Variants in POLR2G observed in about 807,000 individuals in gnomAD.
The protein encoded by POLR2G is RNA polymerase II subunit G, also known as DNA-directed RNA polymerase II subunit RPB7.
POLR2G carries 19 observed loss-of-function variants against 25.7 expected under a neutral mutation model. The observed-to-expected ratio is 0.74, with a 90% CI of 0.52 to 1.08. The LOEUF is 1.08. Among genes scored for constraint, POLR2G ranks in the 50% least tolerant of loss-of-function variants. The pLI, the probability that POLR2G is intolerant of heterozygous loss-of-function variation, is 0.00. For synonymous variants in POLR2G, 79 were observed against 76.0 expected, an observed-to-expected ratio of 1.04 and a Z score of -0.21; for missense variants, 123 against 218.5, an observed-to-expected ratio of 0.56 and a Z score of 2.76.
intron 6 of POLR2G, among the ~76,000 whole-genome samples, 156 bp from the exon 7 acceptor site, chr11:62,766,087 G>A (rs538123519): frequency 2.6e-5 from 4 of 152,108 alleles, no homozygotes; most frequent in Non-Finnish European, 4.4e-5. Flanking sequence ...GCGCCTGGCC[G>A]AGAGCTGTCG....
At chr11:62,764,751 G>A (rs533936488) in intron 3 of POLR2G, among the ~76,000 whole-genome samples, 236 of 152,170 alleles carry the variant, frequency 1.6e-3, no homozygotes, top group South Asian at 2.5e-3. Context: ...AGCTGTGATC[G>A]CACCACTACT....
chr11:62,764,008 C>G (rs1382734032), intron 3 of POLR2G, among the ~76,000 whole-genome samples: 1 of 151,796 alleles, frequency 6.6e-6, no homozygotes, highest in East Asian at 1.9e-4. Context: ...ACCCAAAGTG[C>G]TGGGATTATA....
chr11:62,764,437 G>T (rs1374442986), intron 3 of POLR2G, among the ~76,000 whole-genome samples: 1 of 152,078 alleles, frequency 6.6e-6, no homozygotes, highest in Non-Finnish European at 1.5e-5. Context: ...CTCCAGAGTG[G>T]AGAACAGAGT....
At chr11:62,761,975 C>T (rs2084091371) in intron 2 of POLR2G, 71 bp downstream of exon 2, 1 of 1,100,284 alleles carries the variant, frequency 9.1e-7, no homozygotes, top group Non-Finnish European at 1.4e-6. Flanking sequence ...GCAACCCCTC[C>T]CCAACTCCTA....
In POLR2G at chr11:62,765,405, G is replaced by A. The variant is rs2084110532; in HGVS notation, c.399G>A (p.Glu133=). The A allele has an allele frequency of 6.2e-7, 1 of 1,609,958 alleles. No individual in the cohort carries two copies. Among genetic ancestry groups the A allele is most frequent in the Non-Finnish European group, 8.5e-7 (1 of 1,176,386 alleles). ...SNPPCYKTMD[E]DIVIQQDDEI... Reference sequence around the variant, plus strand: ...CACCATGTTACAAGACAATGGATGAGGTGAGTGGACAGAAAGAAGTCAGGG... The same window carrying A: ...CACCATGTTACAAGACAATGGATGAAGTGAGTGGACAGAAAGAAGTCAGGG... Residue 133 remains glutamate, a splice_region_variant and synonymous_variant, in exon 5 of 8, where the codon GAG becomes GAA. Transcript: ENST00000301788.
At chr11:62,762,203 A>G (rs2084092634) in intron 2 of POLR2G, 1 of 404,678 alleles carries the variant, frequency 2.5e-6, no homozygotes. Context: ...GGAACAAGAT[A>G]GAATGAGGAC....
chr11:62,763,128 ACT>A, intron 3 of POLR2G, 102 bp downstream of exon 3: 2 of 412,078 alleles, frequency 4.9e-6, no homozygotes, highest in Non-Finnish European at 7.6e-6. Flanking sequence ...AAGTCACTTC[ACT>A]TTTTTTTTTT....
chr11:62,765,946 C>T (rs2084113790), intron 6 of POLR2G, among the ~76,000 whole-genome samples: 1 of 151,994 alleles, frequency 6.6e-6, no homozygotes, highest in African/African-American at 2.4e-5. Context: ...CGCCACCACA[C>T]CTGGCTAATT....
At chr11:62,764,950 C>T (rs2084107559) in intron 3 of POLR2G, among the ~76,000 whole-genome samples, 1 of 152,070 alleles carries the variant, frequency 6.6e-6, no homozygotes, top group Non-Finnish European at 1.5e-5. Context: ...CCTCCACCTC[C>T]TGGGTTCAAA....
Position 62,762,994 on chromosome 11 carries a change from G to A in POLR2G, c.250G>A (p.Val84Ile). 2 of 1,609,492 alleles carry A rather than the reference G, an allele frequency of 1.2e-6. No individual in the cohort carries two copies. The highest frequency in any genetic ancestry group is 1.7e-6 in the Non-Finnish European group (2 of 1,176,674). ...TGTTTTCCGGCCATTTAAAGGGGAG[G>A]TCGTGGATGCTGTTGTCACTCAGGT... ...AIVFRPFKGE[V>I]VDAVVTQVNK... Residue 84 changes from valine to isoleucine, a missense_variant, in exon 3 of 8, where the codon GTC (valine) becomes ATC (isoleucine). Physicochemically the swap from Val to Ile is conservative, Grantham distance 29. Coordinates refer to ENST00000301788, the MANE Select transcript of POLR2G (RefSeq NM_002696.3).
Position 62,762,089 on chromosome 11 carries a change from C to T in POLR2G, c.122+185C>T. 3 of 594,086 alleles carry T rather than the reference C, an allele frequency of 5.0e-6. No homozygotes were observed. The East Asian group carries it at 8.4e-5, about 17-fold the overall frequency. 36.8% of individuals were successfully genotyped at this position (594,086 alleles called of 1,614,324 possible). The stretch of plus-strand genomic sequence containing the variant: ...CCCTCTGCAATGCTGGACAATAAGA[C>T]TTCCTTCTCTCAGCTGAGATGGGTC... On this transcript the variant is annotated intron_variant, in intron 2 of 7. Transcript: ENST00000301788.
Position 62,764,321 on chromosome 11 carries a change from C to G in POLR2G, c.283-861C>G, listed in dbSNP as rs542246237. On this transcript the variant is annotated intron_variant, in intron 3 of 7. Coordinates refer to ENST00000301788, the MANE Select transcript of POLR2G (RefSeq NM_002696.3). ...ACTAAAAATACAAAAATTAGCCAGG[C>G]ATTGTGGCATGTGCGTGTAGTCCCT... Among the ~76,000 whole-genome samples the G allele has an allele frequency of 7.2e-4, 109 of 151,974 alleles. 1 individual carries two copies. Among genetic ancestry groups the G allele is most frequent in the Non-Finnish European group, 7.2e-4 (49 of 67,980 alleles).
Position 62,765,191 on chromosome 11 carries a change from T to C in POLR2G, c.292T>C (p.Phe98Leu). 2 of 1,613,776 alleles carry C rather than the reference T, an allele frequency of 1.2e-6. No homozygotes were observed. The highest frequency in any genetic ancestry group is 1.7e-6 in the Non-Finnish European group (2 of 1,179,976). ...VVTQVNKVGL[F>L]TEIGPMSCFI... ...CTCATTTTTTTTCTAGGTTGGACTC[T>C]TCACAGAAATTGGGCCCATGTCTTG... Residue 98 changes from phenylalanine (F) to leucine (L), a missense_variant, in exon 4 of 8, where the codon TTC becomes CTC. Phe to Leu is a conservative substitution (Grantham distance 22). Transcript: ENST00000301788.
rs2084088794 is a variant in POLR2G at position 62,761,600 on chromosome 11, C to T, written c.-49C>T. 6.4e-7 allele frequency: 1 copy of T among 1,573,576 alleles called. No homozygotes were observed. The highest frequency in any genetic ancestry group is 2.3e-5 in the East Asian group (1 of 43,604). ...CGTCTAAGTGTTTCCGGTGGATTCC[C>T]AGGGACTGTCGGAGGTGTGGACTCT... On this transcript the variant is annotated 5_prime_UTR_variant, in exon 1 of 8. Coordinates refer to ENST00000301788, the MANE Select transcript of POLR2G (RefSeq NM_002696.3).
At chr11:62,765,141 G>A in intron 3 of POLR2G, 41 bp from the exon 4 acceptor site, 1 of 1,591,006 alleles carries the variant, frequency 6.3e-7, no homozygotes. Flanking sequence ...ACAGGCGTGA[G>A]CCACCGTGCA....
intron 5 of POLR2G, 103 bp downstream of exon 5, chr11:62,765,508 C>T: frequency 2.7e-6 from 3 of 1,128,322 alleles, no homozygotes; most frequent in Non-Finnish European, 4.1e-6. Flanking sequence ...CCCGAATTAC[C>T]ATGGCTTGAT....
At chr11:62,766,120 A>G in intron 6 of POLR2G, 123 bp from the exon 7 acceptor site, 1 of 864,182 alleles carries the variant, frequency 1.2e-6, no homozygotes, top group African/African-American at 1.7e-5. Context: ...CCACAGTTTC[A>G]GGGGGTTCTG....
At chr11:62,765,309 A>G (rs1284444432) in intron 4 of POLR2G, 31 bp from the exon 5 acceptor site, 1 of 1,609,868 alleles carries the variant, frequency 6.2e-7, no homozygotes, top group East Asian at 2.2e-5. Context: ...ATCCATTTAA[A>G]GTGCTAACCT....
rs561398574 is a variant in POLR2G at position 62,765,173 on chromosome 11, T to G, written c.283-9T>G. On this transcript the variant is annotated splice_polypyrimidine_tract_variant and intron_variant, in intron 3 of 7. Coordinates refer to ENST00000301788, the MANE Select transcript of POLR2G (RefSeq NM_002696.3). Reference sequence around the variant, plus strand: ...TGCACGGCCGTAAGATCACTCATTTTTTTTCTAGGTTGGACTCTTCACAGA... The same window carrying G: ...TGCACGGCCGTAAGATCACTCATTTGTTTTCTAGGTTGGACTCTTCACAGA... The G allele has an allele frequency of 8.0e-5, 129 of 1,613,152 alleles. No individual in the cohort carries two copies. The highest frequency in any genetic ancestry group is 1.1e-4 in the Non-Finnish European group (124 of 1,179,870).
Sources: allele counts gnomAD v4.1 joint callset (sites outside exome capture counted in the v4.1 genomes callset), GRCh38; gene constraint gnomAD v4.1.1; transcripts MANE v1.5; gene names NCBI Gene and HGNC (gene_info 2026-07-23, HGNC 2026-07-21).